FRMD4A: variants seen among roughly 807,000 people sequenced by gnomAD.
The protein encoded by FRMD4A is FERM domain-containing protein 4A.
FRMD4A carries 29 observed loss-of-function variants against 129.1 expected under a neutral mutation model. The ratio of observed to expected loss-of-function variants is 0.22; its 90% CI spans 0.17 to 0.31. FRMD4A has a LOEUF of 0.31. Among genes scored for constraint, FRMD4A ranks in the 10% least tolerant of loss-of-function variants. The probability of loss-of-function intolerance (pLI) is 1.00; values close to 1 mark genes in which losing one functional copy is unlikely to be tolerated. For synonymous variants in FRMD4A, 634 were observed against 571.6 expected (o/e 1.11, Z -1.56); for missense variants, 1,272 against 1,375.8 (o/e 0.92, Z 1.19).
At chr10:14,095,503 T>G (rs789762) in intron 2 of FRMD4A, among the ~76,000 whole-genome samples, 144,724 of 152,284 alleles carry the variant, frequency 0.95, 69,014 homozygotes, top group Non-Finnish European at 1. Context: ...GCTATTAATA[T>G]AACAATGCAT....
intron 2 of FRMD4A, among the ~76,000 whole-genome samples, chr10:13,908,806 T>G (rs2094910035): frequency 6.6e-6 from 1 of 152,238 alleles, no homozygotes; most frequent in Admixed American, 6.5e-5. Context: ...GAAATCCAGT[T>G]AAATTTGAAT....
chr10:14,128,812 C>A (rs1839070299), intron 2 of FRMD4A, among the ~76,000 whole-genome samples: 1 of 152,090 alleles, frequency 6.6e-6, no homozygotes, highest in East Asian at 1.9e-4. Context: ...TTCAGCATGG[C>A]CTCAGCACTC....
chr10:14,322,809 G>T (rs888275188), intron 2 of FRMD4A, among the ~76,000 whole-genome samples: 4 of 152,132 alleles, frequency 2.6e-5, no homozygotes, highest in Admixed American at 6.5e-5. Flanking sequence ...TCATATTCTG[G>T]CATAGAAGCC....
intron 2 of FRMD4A, among the ~76,000 whole-genome samples, chr10:14,309,265 C>T (rs898216073): frequency 1.3e-5 from 2 of 152,112 alleles, no homozygotes; most frequent in African/African-American, 4.8e-5. Context: ...GCTTGGACAA[C>T]ATAGTGAGAC....
intron 3 of FRMD4A, among the ~76,000 whole-genome samples, chr10:13,830,812 C>T (rs1358661436): frequency 6.6e-6 from 1 of 151,336 alleles, no homozygotes; most frequent in Non-Finnish European, 1.5e-5. Flanking sequence ...TTATTAGAGA[C>T]AGAGTCTCGC....
At chr10:13,755,647 G>A (rs562139592) in intron 8 of FRMD4A, among the ~76,000 whole-genome samples, 1 of 152,274 alleles carries the variant, frequency 6.6e-6, no homozygotes, top group South Asian at 2.1e-4. Flanking sequence ...TCCATTGATT[G>A]GGTGATGCAT....
At chr10:13,780,844 C>T (rs773240311) in intron 6 of FRMD4A, among the ~76,000 whole-genome samples, 2 of 152,082 alleles carry the variant, frequency 1.3e-5, no homozygotes, top group Non-Finnish European at 2.9e-5. Flanking sequence ...AGGTATATAC[C>T]CTGAACAACT....
At chr10:13,740,341 G>A in intron 10 of FRMD4A, 90 bp from the exon 11 acceptor site, 1 of 962,182 alleles carries the variant, frequency 1.0e-6, no homozygotes, top group Non-Finnish European at 1.7e-6. Context: ...ATATATTTGT[G>A]TATGTGTACG....
chr10:13,751,522 C>T (rs1480342733), intron 8 of FRMD4A, among the ~76,000 whole-genome samples: 2 of 152,144 alleles, frequency 1.3e-5, no homozygotes, highest in African/African-American at 4.8e-5. Flanking sequence ...CAGAAAGCTC[C>T]CCTAATGGGA....
intron 2 of FRMD4A, chr10:14,007,050 TTA>T (rs955357770): frequency 6.6e-5 from 10 of 152,138 alleles, no homozygotes; most frequent in African/African-American, 2.4e-4. Flanking sequence ...GTTTTTTTTT[TTA>T]AATAAAACAT....
At chr10:13,709,596 G>A (rs2087808260) in intron 12 of FRMD4A, among the ~76,000 whole-genome samples, 1 of 152,104 alleles carries the variant, frequency 6.6e-6, no homozygotes, top group African/African-American at 2.4e-5. Flanking sequence ...TTCTCCCAGT[G>A]CCTCTCCCCT....
At chr10:13,665,964 T>C (rs930153205) in intron 18 of FRMD4A, 133 bp downstream of exon 18, 2 of 660,074 alleles carry the variant, frequency 3.0e-6, no homozygotes, top group African/African-American at 1.8e-5. Flanking sequence ...CTTCATTTTA[T>C]GGATGGACAA....
chr10:13,879,117 T>C (rs114258041), intron 2 of FRMD4A, among the ~76,000 whole-genome samples: 1,954 of 152,276 alleles, frequency 0.013, 48 homozygotes, highest in African/African-American at 0.045. Context: ...ATGTCAATGA[T>C]ATATTAATAA....
chr10:13,830,971 G>C (rs2093781451), intron 3 of FRMD4A, among the ~76,000 whole-genome samples: 1 of 152,084 alleles, frequency 6.6e-6, no homozygotes, highest in Admixed American at 6.6e-5. Context: ...TGTATTTTTG[G>C]TAGAGACAGG....
At chr10:14,117,832 G>T (rs1483661115) in intron 2 of FRMD4A, among the ~76,000 whole-genome samples, 1 of 152,200 alleles carries the variant, frequency 6.6e-6, no homozygotes, top group East Asian at 1.9e-4. Context: ...GTCCTTGTGA[G>T]TGTAGGTCCT....
chr10:14,309,024 G>T (rs763292289), intron 2 of FRMD4A, among the ~76,000 whole-genome samples: 1 of 152,116 alleles, frequency 6.6e-6, no homozygotes, highest in Non-Finnish European at 1.5e-5. Context: ...TTCCGTCTCC[G>T]TTTTTGTTGA....
chr10:14,131,285 G>A (rs769793156), intron 2 of FRMD4A, among the ~76,000 whole-genome samples: 5 of 152,164 alleles, frequency 3.3e-5, no homozygotes, highest in Non-Finnish European at 7.3e-5. Flanking sequence ...AGGCTCAGGC[G>A]ATGCAGAAGC....
intron 2 of FRMD4A, among the ~76,000 whole-genome samples, chr10:14,031,904 C>CTTAG (rs1833265269): frequency 6.6e-6 from 1 of 152,114 alleles, no homozygotes; most frequent in Admixed American, 6.5e-5. Context: ...ATTGCCTTTC[C>CTTAG]CATGGGCCTT....
intron 2 of FRMD4A, among the ~76,000 whole-genome samples, chr10:13,884,561 A>G (rs77105852): frequency 0.027 from 4,079 of 152,286 alleles, 87 homozygotes; most frequent in Middle Eastern, 0.044. Context: ...AATTGGTAAT[A>G]TAATCCACTG....
Sources: allele counts gnomAD v4.1 joint callset (sites outside exome capture counted in the v4.1 genomes callset), GRCh38; gene constraint gnomAD v4.1.1; transcripts MANE v1.5; gene names NCBI Gene and HGNC (gene_info 2026-07-23, HGNC 2026-07-21).